Variants in HACE1 observed in about 807,000 individuals in gnomAD.
HACE1 encodes HECT domain and ankyrin repeat containing E3 ubiquitin protein ligase 1.
Under a neutral mutation model 118.4 loss-of-function variants are expected in HACE1, and 73 were observed. That is an observed-to-expected ratio of 0.62 (90% CI 0.51 to 0.75). The LOEUF is 0.75. Ranked by LOEUF, HACE1 falls within the 30% of genes least tolerant of loss-of-function variation. The pLI, the probability that HACE1 is intolerant of heterozygous loss-of-function variation, is 0.00. For synonymous variants in HACE1, 368 were observed against 374.8 expected (o/e 0.98, Z 0.21); for missense variants, 749 against 1,102.2 (o/e 0.68, Z 4.54).
At chr6:104,801,556 A>G (rs540815483) in intron 7 of HACE1, among the ~76,000 whole-genome samples, 5 of 152,352 alleles carry the variant, frequency 3.3e-5, no homozygotes, top group Admixed American at 1.3e-4. Context: ...AGTGGGGGCT[A>G]ATATTTGACA....
At chr6:104,833,508 G>T (rs1047739938) in intron 5 of HACE1, among the ~76,000 whole-genome samples, 2 of 152,028 alleles carry the variant, frequency 1.3e-5, no homozygotes, top group Non-Finnish European at 2.9e-5. Context: ...GGAAAACTTC[G>T]GTATCAAGAT....
chr6:104,771,391 T>C lies in HACE1; in HGVS notation c.2015-2A>G. On this transcript the variant is annotated splice_acceptor_variant, in intron 18 of 23. Transcript: ENST00000262903. LOFTEE classifies it high-confidence loss of function. ...CATCTTGGTAATTTACAGGAATACC[T>C]AAAAAATGCAAACATACAGCAGTTA... is the stretch of plus-strand genomic sequence containing the variant. The C allele has an allele frequency of 1.2e-6, 2 of 1,602,118 alleles. No individual in the cohort carries two copies. The highest frequency in any genetic ancestry group is 1.7e-6 in the Non-Finnish European group (2 of 1,169,582).
chr6:104,826,031 G>C (rs547076177), intron 6 of HACE1, among the ~76,000 whole-genome samples: 4 of 152,166 alleles, frequency 2.6e-5, no homozygotes, highest in Non-Finnish European at 5.9e-5. Context: ...CCTCCTGTCG[G>C]ATCAGCAGCA....
At chr6:104,779,363 T>A (rs1393700244) in intron 14 of HACE1, among the ~76,000 whole-genome samples, 2 of 152,232 alleles carry the variant, frequency 1.3e-5, no homozygotes, top group African/African-American at 4.8e-5. Flanking sequence ...AAATATCACT[T>A]GTTATTAATT....
At chr6:104,751,913 T>G (rs1778086168) in intron 19 of HACE1, among the ~76,000 whole-genome samples, 1 of 144,158 alleles carries the variant, frequency 6.9e-6, no homozygotes, top group Admixed American at 6.9e-5. Context: ...TTGGCACTAA[T>G]CTGATGCTCT....
At chr6:104,809,630 A>G (rs1648966627) in intron 7 of HACE1, among the ~76,000 whole-genome samples, 1 of 151,764 alleles carries the variant, frequency 6.6e-6, no homozygotes, top group South Asian at 2.1e-4. Context: ...TACAAGGCTT[A>G]AACACAAAGT....
At chr6:104,738,632 G>C (rs556531653) in intron 22 of HACE1, among the ~76,000 whole-genome samples, 3 of 149,480 alleles carry the variant, frequency 2.0e-5, no homozygotes, top group South Asian at 2.1e-4. Context: ...AGAATAAAAA[G>C]AAATGAGCAA....
intron 14 of HACE1, 82 bp from the exon 15 acceptor site, chr6:104,777,399 T>C (rs1582420114): frequency 2.4e-6 from 2 of 829,334 alleles, no homozygotes; most frequent in East Asian, 4.9e-5. Context: ...CTAAATGCCT[T>C]TTCTACAAAT....
rs1444930449 is a variant in HACE1 at position 104,728,620 on chromosome 6, A to G, written c.*1042T>C. 1 of 152,182 alleles carries G rather than the reference A, an allele frequency of 6.6e-6. No individual in the cohort carries two copies. Among genetic ancestry groups the G allele is most frequent in the African/African-American group, 2.4e-5 (1 of 41,450 alleles). The allele number at this position is 152,182 out of a possible 1,614,324, so 9.4% of individuals were successfully genotyped here. A position where few individuals can be genotyped will look rare whatever the true frequency, so the allele number is the denominator to read the frequency against. On this transcript the variant is annotated 3_prime_UTR_variant, in exon 24 of 24. Transcript: ENST00000262903. ...TTTTTAGTTTCCAAGGGAAGATCCT[A>G]AACATAACAAATCCTTCCGTTAGCA...
chr6:104,796,701 T>A lies in HACE1; in HGVS notation c.770A>T (p.Gln257Leu). 6.3e-7 allele frequency: 1 copy of A among 1,593,986 alleles called. No homozygotes were observed. Among genetic ancestry groups the A allele is most frequent in the Non-Finnish European group, 8.6e-7 (1 of 1,162,484 alleles). ...ATTCTGTGTCATTTGAATAATAGTC[T>A]GAAAAAGCCTCGGGTGATATTGAAT... ...VLIQYHPRLF[Q>L]TIIQMTQNED... is the part of the protein sequence containing the mutation. The change falls in exon 9 of 24, where the codon CAG (glutamine) becomes CTG (leucine). Residue 257 changes from glutamine to leucine, a missense_variant. Transcript: ENST00000262903.
intron 22 of HACE1, among the ~76,000 whole-genome samples, chr6:104,738,991 A>G (rs1776282131): frequency 6.8e-6 from 1 of 147,016 alleles, no homozygotes; most frequent in African/African-American, 2.6e-5. Context: ...CCTACAAGCC[A>G]GAAAAGAGTG....
chr6:104,745,717 AG>A (rs1231596411), intron 20 of HACE1, among the ~76,000 whole-genome samples: 41 of 152,112 alleles, frequency 2.7e-4, no homozygotes, highest in Non-Finnish European at 3.1e-4. Flanking sequence ...CTGGGATTAC[AG>A]GCGTGAACCA....
At chr6:104,816,940 G>A (rs1772180788) in intron 6 of HACE1, among the ~76,000 whole-genome samples, 1 of 152,156 alleles carries the variant, frequency 6.6e-6, no homozygotes, top group African/African-American at 2.4e-5. Flanking sequence ...GCCCTGCTAG[G>A]TTTCAGACTT....
At chr6:104,779,874 A>G (rs9499970) in intron 14 of HACE1, among the ~76,000 whole-genome samples, 5,135 of 152,122 alleles carry the variant, frequency 0.034, 271 homozygotes, top group African/African-American at 0.12. Flanking sequence ...TATAATAATC[A>G]TAATAATAAA....
chr6:104,774,444 G>A (rs1016329982), intron 17 of HACE1, among the ~76,000 whole-genome samples: 1 of 150,894 alleles, frequency 6.6e-6, no homozygotes, highest in African/African-American at 2.4e-5. Flanking sequence ...GAGTGCAGTG[G>A]CACAACCTCA....
At chr6:104,838,879 C>A (rs959889546) in intron 5 of HACE1, among the ~76,000 whole-genome samples, 1 of 49,728 alleles carries the variant, frequency 2.0e-5, no homozygotes, top group Non-Finnish European at 3.8e-5. Flanking sequence ...GGAACTCAAA[C>A]AACTCCATAG....
chr6:104,776,867 T>C lies in HACE1; in HGVS notation c.1777-39A>G, dbSNP rs759030279. ...ATAAAATTAAGCATCAACAGAAATA[T>C]GTTATATTGGGAAATTTTTTTCTAA... On this transcript the variant is annotated intron_variant, in intron 16 of 23. Coordinates refer to ENST00000262903, the MANE Select transcript of HACE1 (RefSeq NM_020771.4). 1.6e-5 allele frequency: 23 copies of C among 1,470,618 alleles called. No homozygotes were observed. The Admixed American group carries it at 2.8e-4, about 18-fold the overall frequency. The allele number at this position is 1,470,618 out of a possible 1,614,324, so 91.1% of individuals were successfully genotyped here.
Position 104,849,009 on chromosome 6 carries a change from T to C in HACE1, c.326+133A>G, listed in dbSNP as rs915059653. On this transcript the variant is annotated intron_variant, in intron 4 of 23. Transcript: ENST00000262903. ...TGAGAGACAAAAAAAATATAGAAAATAAAATATGCACCATTATTTTAGTTT... is the reference window on the plus strand; with the variant it reads ...TGAGAGACAAAAAAAATATAGAAAACAAAATATGCACCATTATTTTAGTTT... 45 of 656,276 alleles carry C rather than the reference T, an allele frequency of 6.9e-5. No homozygotes were observed. In the African/African-American group the frequency reaches 7.9e-4, roughly 12 times the overall value. The allele number at this position is 656,276 out of a possible 1,614,324, so 40.7% of individuals were successfully genotyped here.
intron 22 of HACE1, chr6:104,730,936 A>G (rs1037211780): frequency 6.4e-6 from 1 of 156,362 alleles, no homozygotes; most frequent in African/African-American, 2.4e-5. Flanking sequence ...TTTGTTTTTT[A>G]TAGTGGAAAA....
Sources: allele counts gnomAD v4.1 joint callset (sites outside exome capture counted in the v4.1 genomes callset), GRCh38; gene constraint gnomAD v4.1.1; transcripts MANE v1.5; gene names NCBI Gene and HGNC (gene_info 2026-07-23, HGNC 2026-07-21).